The following CNTNAP2 variants were observed in gnomAD, a reference collection of about 807,000 sequenced individuals.
The protein encoded by CNTNAP2 is contactin associated protein 2.
CNTNAP2 carries 98 observed loss-of-function variants against 155.2 expected under a neutral mutation model. That is an observed-to-expected ratio of 0.63 (90% CI 0.54 to 0.75). CNTNAP2 has a LOEUF of 0.75. Among genes scored for constraint, CNTNAP2 ranks in the 30% least tolerant of loss-of-function variants. CNTNAP2 has a pLI of 0.00. For synonymous variants in CNTNAP2, 651 were observed against 631.2 expected, an observed-to-expected ratio of 1.03 and a Z score of -0.47; for missense variants, 1,727 against 1,688.1, an observed-to-expected ratio of 1.02 and a Z score of -0.40.
intron 13 of CNTNAP2, among the ~76,000 whole-genome samples, chr7:147,861,300 C>A (rs1195709732): frequency 2.0e-5 from 3 of 152,196 alleles, no homozygotes; most frequent in Non-Finnish European, 4.4e-5. Flanking sequence ...TGAACTTCCA[C>A]TGTGTATGAA....
intron 1 of CNTNAP2, among the ~76,000 whole-genome samples, chr7:146,416,466 A>G (rs1000673050): frequency 6.6e-6 from 1 of 152,136 alleles, no homozygotes; most frequent in Non-Finnish European, 1.5e-5. Flanking sequence ...AGCATGGCAC[A>G]TTATAACCAG....
intron 13 of CNTNAP2, among the ~76,000 whole-genome samples, chr7:147,775,451 T>C (rs1305198221): frequency 7.3e-6 from 1 of 136,872 alleles, no homozygotes; most frequent in Non-Finnish European, 1.5e-5. Flanking sequence ...TGAACCATAA[T>C]TCTCTAAAAG....
At position 146,555,054 on chromosome 7, in the gene CNTNAP2, A is replaced by G. The variant is rs145304211; in HGVS notation, c.98-219217A>G. Among the ~76,000 whole-genome samples, 699 of 152,296 alleles carry G rather than the reference A, an allele frequency of 4.6e-3. 5 individuals are homozygous for G. The highest frequency in any genetic ancestry group is 0.016 in the African/African-American group (653 of 41,558). On this transcript the variant is annotated intron_variant, in intron 1 of 23. Coordinates refer to ENST00000361727, the MANE Select transcript of CNTNAP2 (RefSeq NM_014141.6). The stretch of plus-strand genomic sequence containing the variant: ...TAGTGGATGAAATCTTGATCCTCTT[A>G]CTACAGGTTTCTTACTCTTCCCTCA...
At chr7:147,047,513 C>A (rs981947011) in intron 4 of CNTNAP2, among the ~76,000 whole-genome samples, 19 of 152,002 alleles carry the variant, frequency 1.2e-4, no homozygotes, top group African/African-American at 4.6e-4. Context: ...ATATAGCAAT[C>A]ATCTGTTTGA....
At chr7:147,130,201 T>C (rs887212665) in intron 7 of CNTNAP2, among the ~76,000 whole-genome samples, 3 of 151,854 alleles carry the variant, frequency 2.0e-5, no homozygotes, top group Non-Finnish European at 4.4e-5. Context: ...ATCACTTGAG[T>C]CCAGGAGTTT....
intron 1 of CNTNAP2, among the ~76,000 whole-genome samples, chr7:146,228,378 C>G (rs955250006): frequency 6.6e-6 from 1 of 152,132 alleles, no homozygotes; most frequent in South Asian, 2.1e-4. Flanking sequence ...TCTCACTGGA[C>G]CTCAGTCTTC....
chr7:147,651,388 T>C (rs974050567), intron 13 of CNTNAP2, among the ~76,000 whole-genome samples: 6 of 152,252 alleles, frequency 3.9e-5, no homozygotes, highest in Admixed American at 3.3e-4. Context: ...AAAATGCCTA[T>C]GCAGCAACAC....
intron 21 of CNTNAP2, among the ~76,000 whole-genome samples, chr7:148,364,046 T>C (rs1235366661): frequency 9.9e-5 from 15 of 152,194 alleles, no homozygotes; most frequent in Middle Eastern, 3.4e-3. Flanking sequence ...TGCCTTCCCA[T>C]GGGGCAGGGC....
intron 18 of CNTNAP2, 109 bp from the exon 19 acceptor site, chr7:148,217,179 C>G: frequency 1.0e-6 from 1 of 996,612 alleles, no homozygotes; most frequent in East Asian, 2.4e-5. Flanking sequence ...TACTCAGATG[C>G]CCTTCCTGGA....
At chr7:146,941,418 A>G (rs1797054273) in intron 3 of CNTNAP2, among the ~76,000 whole-genome samples, 1 of 152,144 alleles carries the variant, frequency 6.6e-6, no homozygotes, top group African/African-American at 2.4e-5. Flanking sequence ...TGGATGTCAC[A>G]ACTTTTATCA....
At chr7:147,952,214 G>A (rs1326490638) in intron 14 of CNTNAP2, among the ~76,000 whole-genome samples, 4 of 117,882 alleles carry the variant, frequency 3.4e-5, no homozygotes, top group African/African-American at 1.2e-4. Context: ...AGGCTGAGGC[G>A]GGTGGATCAC....
chr7:147,636,431 AT>A (rs1291241374), intron 12 of CNTNAP2, among the ~76,000 whole-genome samples: 1 of 140,514 alleles, frequency 7.1e-6, no homozygotes, highest in African/African-American at 3.1e-5. Context: ...TTACTTTTTT[AT>A]TTTTTTATTT....
intron 2 of CNTNAP2, among the ~76,000 whole-genome samples, chr7:146,776,448 A>G (rs1182774222): frequency 2.0e-5 from 3 of 152,236 alleles, no homozygotes; most frequent in African/African-American, 4.8e-5. Context: ...TGCACAATAA[A>G]GAAATTGTGG....
Position 147,217,517 on chromosome 7 carries a change from G to A in CNTNAP2, c.1349-82624G>A, listed in dbSNP as rs1803301282. ...GAGATAAATCTAAGTAGGTCATGTT[G>A]TATAATTCTTTTTGTATATATTTGG... On this transcript the variant is annotated intron_variant, in intron 8 of 23. Coordinates refer to ENST00000361727, the MANE Select transcript of CNTNAP2 (RefSeq NM_014141.6). Among the ~76,000 whole-genome samples the A allele has an allele frequency of 3.3e-5, 5 of 151,934 alleles. No homozygotes were observed. In the South Asian group the frequency reaches 1.0e-3, roughly 31 times the overall value.
At chr7:146,629,854 G>A (rs956131148) in intron 1 of CNTNAP2, among the ~76,000 whole-genome samples, 9 of 152,066 alleles carry the variant, frequency 5.9e-5, no homozygotes, top group East Asian at 5.8e-4. Context: ...TAGGGAATAC[G>A]GTGATGATGA....
intron 1 of CNTNAP2, among the ~76,000 whole-genome samples, chr7:146,416,417 G>C (rs1393838738): frequency 6.6e-6 from 1 of 152,102 alleles, no homozygotes; most frequent in Non-Finnish European, 1.5e-5. Context: ...GCTCCTGAGA[G>C]GTCACCACAT....
chr7:146,494,134 A>C (rs909817617), intron 1 of CNTNAP2, among the ~76,000 whole-genome samples: 1 of 152,158 alleles, frequency 6.6e-6, no homozygotes, highest in African/African-American at 2.4e-5. Flanking sequence ...GGAGATCGAG[A>C]CCATCCTGGC....
intron 13 of CNTNAP2, among the ~76,000 whole-genome samples, chr7:147,830,016 A>T (rs1237672069): frequency 6.6e-6 from 1 of 151,890 alleles, no homozygotes; most frequent in Non-Finnish European, 1.5e-5. Flanking sequence ...CTCCATAGCA[A>T]CCTTAGGCCA....
rs1318951285 is a variant in CNTNAP2, at chr7:147,986,364, C to T, written c.2383+8375C>T. Among the ~76,000 whole-genome samples the T allele has an allele frequency of 4.6e-5, 7 of 152,150 alleles. No homozygotes were observed. The East Asian group carries it at 1.3e-3, about 29-fold the overall frequency. ...CAGAATGGGTAACGTTTGATCATTC[C>T]CAGTAACTATTTCCTGAGAAGATGC... On this transcript the variant is annotated intron_variant, in intron 15 of 23. Coordinates refer to ENST00000361727, the MANE Select transcript of CNTNAP2 (RefSeq NM_014141.6).
Sources: gnomAD v4.1 joint callset for allele counts (sites outside exome capture counted in the v4.1 genomes callset) on GRCh38, gnomAD v4.1.1 for gene constraint, MANE v1.5 for transcripts, NCBI Gene and HGNC (gene_info 2026-07-23, HGNC 2026-07-21) for gene names.